CSMD3: variants seen among roughly 807,000 people sequenced by gnomAD.
CSMD3 encodes CUB and sushi domain-containing protein 3.
Under a neutral mutation model 435.2 loss-of-function variants are expected in CSMD3, and 177 were observed. The observed-to-expected ratio is 0.41, with a 90% CI of 0.36 to 0.46. The LOEUF is 0.46. Among genes scored for constraint, CSMD3 ranks in the 20% least tolerant of loss-of-function variants. The pLI, the probability that CSMD3 is intolerant of heterozygous loss-of-function variation, is 0.34. For missense variants in CSMD3, 4,265 were observed against 4,504.6 expected (o/e 0.95, Z 1.52); for synonymous variants, 1,656 against 1,520.5 (o/e 1.09, Z -2.07).
At chr8:112,854,696 T>C (rs909606608) in intron 11 of CSMD3, among the ~76,000 whole-genome samples, 2 of 152,232 alleles carry the variant, frequency 1.3e-5, no homozygotes, top group African/African-American at 4.8e-5. Flanking sequence ...AAATTTAAAA[T>C]GGAGACATTT....
chr8:112,330,423 A>G (rs1424707928), intron 45 of CSMD3, among the ~76,000 whole-genome samples: 1 of 152,138 alleles, frequency 6.6e-6, no homozygotes. Flanking sequence ...GATATTAGAA[A>G]ATCAAGTGAC....
chr8:112,871,531 G>C (rs1173619096), intron 10 of CSMD3, among the ~76,000 whole-genome samples: 1 of 152,020 alleles, frequency 6.6e-6, no homozygotes, highest in Admixed American at 6.6e-5. Flanking sequence ...ACCAGCACTG[G>C]AAGTTAGAGC....
In CSMD3 at chr8:112,580,520, C is replaced by G. The variant is rs182781599; in HGVS notation, c.3885+6546G>C. Among the ~76,000 whole-genome samples, 180 of 136,692 alleles carry G rather than the reference C, an allele frequency of 1.3e-3. 2 individuals are homozygous for G. Among genetic ancestry groups the G allele is most frequent in the Non-Finnish European group, 2.3e-4 (15 of 64,782 alleles). The allele number at this position is 136,692 out of a possible 152,430, so 89.7% of individuals were successfully genotyped here. On this transcript the variant is annotated intron_variant, in intron 23 of 70. Transcript: ENST00000297405. ...GGAGCCCAGAAAGGTGGCAAACATG[C>G]TTGCAGAAAAGAGGTAGGAAAAAAA...
At chr8:113,060,443 A>T (rs554409445) in intron 5 of CSMD3, among the ~76,000 whole-genome samples, 9 of 151,834 alleles carry the variant, frequency 5.9e-5, no homozygotes, top group Non-Finnish European at 1.3e-4. Context: ...TGAATAGTGT[A>T]GGGCCTTGTT....
intron 24 of CSMD3, among the ~76,000 whole-genome samples, chr8:112,562,309 CAT>C (rs1156663192): frequency 2.6e-5 from 4 of 151,436 alleles, no homozygotes; most frequent in Admixed American, 6.6e-5. Context: ...ATAAAAGTGA[CAT>C]GTGAAAATTC....
At chr8:112,514,101 C>G (rs1434994607) in intron 28 of CSMD3, among the ~76,000 whole-genome samples, 1 of 151,962 alleles carries the variant, frequency 6.6e-6, no homozygotes, top group Non-Finnish European at 1.5e-5. Flanking sequence ...CTATGTTGCC[C>G]AGTCTCATCT....
intron 27 of CSMD3, among the ~76,000 whole-genome samples, chr8:112,543,467 A>C (rs911708512): frequency 1.3e-5 from 2 of 152,190 alleles, no homozygotes; most frequent in African/African-American, 2.4e-5. Context: ...CAAATGGACA[A>C]CAGGTATATA....
At chr8:112,773,397 ACT>A (rs896198471) in intron 13 of CSMD3, among the ~76,000 whole-genome samples, 2 of 152,064 alleles carry the variant, frequency 1.3e-5, no homozygotes, top group Non-Finnish European at 2.9e-5. Context: ...TGGTACAATC[ACT>A]CTGAGACAAA....
intron 68 of CSMD3, among the ~76,000 whole-genome samples, chr8:112,232,517 G>A (rs558356964): frequency 6.6e-6 from 1 of 152,264 alleles, no homozygotes; most frequent in East Asian, 1.9e-4. Flanking sequence ...GCTGAGGCAG[G>A]AGAATCGCTT....
At chr8:113,288,647 TAC>T (rs1008126172) in intron 2 of CSMD3, among the ~76,000 whole-genome samples, 4 of 151,906 alleles carry the variant, frequency 2.6e-5, no homozygotes, top group Admixed American at 6.6e-5. Context: ...AAATATATTT[TAC>T]AGTTTCCCCA....
intron 1 of CSMD3, among the ~76,000 whole-genome samples, chr8:113,422,235 C>G (rs1050632596): frequency 6.6e-6 from 1 of 152,126 alleles, no homozygotes; most frequent in African/African-American, 2.4e-5. Flanking sequence ...CGTTTTTCCT[C>G]TGTTAATCTC....
intron 57 of CSMD3, among the ~76,000 whole-genome samples, chr8:112,288,775 TATTA>T (rs1225343660): frequency 6.6e-6 from 1 of 152,068 alleles, no homozygotes; most frequent in Non-Finnish European, 1.5e-5. Flanking sequence ...GTGAACAAAT[TATTA>T]ATTAAAATAT....
intron 13 of CSMD3, among the ~76,000 whole-genome samples, chr8:112,752,144 C>G (rs1055214391): frequency 6.6e-6 from 1 of 152,154 alleles, no homozygotes; most frequent in Non-Finnish European, 1.5e-5. Flanking sequence ...CCCTAACACA[C>G]TATTTAACCT....
At chr8:113,301,079 G>A (rs963877262) in intron 2 of CSMD3, among the ~76,000 whole-genome samples, 7 of 150,402 alleles carry the variant, frequency 4.7e-5, no homozygotes, top group Middle Eastern at 3.2e-3. Context: ...ATTCATACAT[G>A]TTCATGTATG....
intron 2 of CSMD3, among the ~76,000 whole-genome samples, chr8:113,294,000 C>T (rs753843456): frequency 1.3e-4 from 19 of 151,882 alleles, no homozygotes; most frequent in Non-Finnish European, 2.6e-4. Flanking sequence ...TCCATTGAAA[C>T]CGGATTTATA....
At chr8:113,330,465 A>C (rs2094018862) in intron 1 of CSMD3, among the ~76,000 whole-genome samples, 1 of 152,006 alleles carries the variant, frequency 6.6e-6, no homozygotes, top group Non-Finnish European at 1.5e-5. Flanking sequence ...CCTTGTCAGT[A>C]ATAACATCAA....
At chr8:113,346,222 T>C (rs534653563) in intron 1 of CSMD3, among the ~76,000 whole-genome samples, 1 of 152,152 alleles carries the variant, frequency 6.6e-6, no homozygotes, top group African/African-American at 2.4e-5. Flanking sequence ...TTTTCTTTTT[T>C]ACTTTTAGAA....
chr8:112,287,060 T>C lies in CSMD3; in HGVS notation c.9331+4A>G, dbSNP rs2130632714. ...CAATATATTTAATTTCTGCTTGAGA[T>C]TACCTTTGCACTCTGGCTGCCTTCC... On this transcript the variant is annotated splice_donor_region_variant and intron_variant, in intron 58 of 70. Coordinates refer to ENST00000297405, the MANE Select transcript of CSMD3 (RefSeq NM_198123.2). The C allele has an allele frequency of 1.2e-6, 2 of 1,611,990 alleles. No homozygotes were observed. Among genetic ancestry groups the C allele is most frequent in the South Asian group, 2.2e-5 (2 of 91,048 alleles).
intron 1 of CSMD3, among the ~76,000 whole-genome samples, chr8:113,315,938 C>G (rs953584515): frequency 6.6e-6 from 1 of 151,934 alleles, no homozygotes; most frequent in African/African-American, 2.4e-5. Context: ...AGGCTGCTCT[C>G]GAACTCCTGA....
Sources: allele counts gnomAD v4.1 joint callset (sites outside exome capture counted in the v4.1 genomes callset), GRCh38; gene constraint gnomAD v4.1.1; transcripts MANE v1.5; gene names NCBI Gene and HGNC (gene_info 2026-07-23, HGNC 2026-07-21).